Variants in ACSM3 observed in about 807,000 individuals in gnomAD.
The protein encoded by ACSM3 is acyl-coenzyme A synthetase ACSM3, mitochondrial.
In ACSM3, 61 loss-of-function variants were observed where a neutral mutation model predicts 74.1. The observed-to-expected ratio is 0.82, with a 90% confidence interval of 0.67 to 1.02. ACSM3 has a LOEUF of 1.02. Among genes scored for constraint, ACSM3 ranks in the 50% least tolerant of loss-of-function variants. The pLI is 0.00. For synonymous variants in ACSM3, 213 were observed against 241.5 expected (o/e 0.88, Z 1.09); for missense variants, 660 against 697.0 (o/e 0.95, Z 0.60).
chr16:20,797,173 T>C lies in ACSM3; in HGVS notation c.*201T>C. ...AATTCCTCCACATTAGTGTCAATGT[T>C]CCTATCATTTCTTAATATAAAAATA... On this transcript the variant is annotated 3_prime_UTR_variant, in exon 14 of 14. Transcript: ENST00000289416. The C allele has an allele frequency of 7.7e-7, 1 of 1,302,030 alleles. No homozygotes were observed. The highest frequency in any genetic ancestry group is 9.7e-7 in the Non-Finnish European group (1 of 1,026,586). 80.7% of individuals were successfully genotyped at this position (1,302,030 alleles called of 1,614,324 possible). A position where few individuals can be genotyped will look rare whatever the true frequency, so the allele number is the denominator to read the frequency against.
chr16:20,751,856 T>C (rs2079991303), intron 2 of ACSM3, among the ~76,000 whole-genome samples: 1 of 152,234 alleles, frequency 6.6e-6, no homozygotes, highest in Non-Finnish European at 1.5e-5. Flanking sequence ...GCCAAACTGA[T>C]TCTAGGTATA....
chr16:20,718,692 A>G (rs1264035579), intron 1 of ACSM3, among the ~76,000 whole-genome samples: 1 of 152,182 alleles, frequency 6.6e-6, no homozygotes, highest in African/African-American at 2.4e-5. Context: ...AGAACTTAAG[A>G]ATCGACCTTA....
At chr16:20,755,790 C>CT (rs1281213211) in intron 3 of ACSM3, among the ~76,000 whole-genome samples, 2 of 110,186 alleles carry the variant, frequency 1.8e-5, no homozygotes, top group Non-Finnish European at 3.8e-5. Context: ...CCCCCCCCCC[C>CT]ACCCCACAGC....
intron 1 of ACSM3, among the ~76,000 whole-genome samples, chr16:20,705,967 T>C (rs976348929): frequency 1.4e-4 from 21 of 152,178 alleles, no homozygotes; most frequent in African/African-American, 4.6e-4. Context: ...CCTTATAGCA[T>C]ATTGGAGATC....
chr16:20,706,682 G>T (rs948969141), intron 1 of ACSM3, among the ~76,000 whole-genome samples: 1 of 152,164 alleles, frequency 6.6e-6, no homozygotes, highest in African/African-American at 2.4e-5. Context: ...ACTTGATCCT[G>T]CTACCAAAAC....
intron 1 of ACSM3, among the ~76,000 whole-genome samples, chr16:20,748,150 AATAAATAAATAGATAG>A (rs1330134728): frequency 2.0e-5 from 3 of 152,018 alleles, no homozygotes; most frequent in Non-Finnish European, 4.4e-5. Context: ...AAAATAAATA[AATAAATAAATAGATAG>A]ATAAATAAAT....
chr16:20,696,840 G>T (rs1230314401), intron 1 of ACSM3, among the ~76,000 whole-genome samples: 1 of 152,146 alleles, frequency 6.6e-6, no homozygotes, highest in Non-Finnish European at 1.5e-5. Context: ...TGTGTTATAG[G>T]GTATCCCAGA....
intron 1 of ACSM3, among the ~76,000 whole-genome samples, chr16:20,714,579 A>T (rs1247323715): frequency 6.6e-6 from 1 of 152,176 alleles, no homozygotes; most frequent in Non-Finnish European, 1.5e-5. Flanking sequence ...GAAAGCAGCA[A>T]ACTAAAGAAC....
intron 1 of ACSM3, among the ~76,000 whole-genome samples, chr16:20,677,299 CT>C (rs1405060828): frequency 6.6e-6 from 1 of 151,638 alleles, no homozygotes. Context: ...AGCTTATCTT[CT>C]TGTATGCCCA....
chr16:20,766,706 C>G (rs1174183278), intron 1 of ACSM3: 1 of 151,714 alleles, frequency 6.6e-6, no homozygotes, highest in Non-Finnish European at 1.5e-5. Flanking sequence ...GTCTGGGTGA[C>G]AGAGTGAGAT....
rs2080582919 is a variant in ACSM3, at chr16:20,790,909, C to T, written c.1326+221C>T. 1.2e-6 allele frequency: 2 copies of T among 1,614,000 alleles called. No individual in the cohort carries two copies. Among genetic ancestry groups the T allele is most frequent in the African/African-American group, 2.7e-5 (2 of 75,030 alleles). On this transcript the variant is annotated intron_variant, in intron 10 of 13. Coordinates refer to ENST00000289416, the MANE Select transcript of ACSM3 (RefSeq NM_005622.4). This position sits in a 1 kb window ranked among gnomAD's most constrained non-coding sequence, Gnocchi z 4.0. Reference sequence around the variant, plus strand: ...CTGAGGCCAGATCACTGTTCCAGGTCCACGAAGGCAAGAGGAAGGGACCCT... The same window carrying T: ...CTGAGGCCAGATCACTGTTCCAGGTTCACGAAGGCAAGAGGAAGGGACCCT...
At chr16:20,690,013 G>C (rs2079624161) in intron 1 of ACSM3, among the ~76,000 whole-genome samples, 1 of 152,196 alleles carries the variant, frequency 6.6e-6, no homozygotes. Context: ...ATGATTAAAT[G>C]CAAGGTGATT....
intron 1 of ACSM3, chr16:20,721,162 A>C (rs952157123): frequency 6.6e-6 from 1 of 152,310 alleles, no homozygotes; most frequent in African/African-American, 2.4e-5. Context: ...GAGATTGCCG[A>C]TCACAAGGGA....
intron 1 of ACSM3, among the ~76,000 whole-genome samples, chr16:20,745,738 ATGGTG>A (rs1002386906): frequency 6.6e-5 from 10 of 152,186 alleles, no homozygotes. Context: ...CAAGGGGGGA[ATGGTG>A]TGACACATTC....
At chr16:20,762,494 A>G (rs1329636108), upstream of ACSM3, among the ~76,000 whole-genome samples, 1 of 152,220 alleles carries the variant, frequency 6.6e-6, no homozygotes, top group Non-Finnish European at 1.5e-5. Context: ...ACTCCAAGAA[A>G]TAATAGCTGA....
chr16:20,755,785 C>CA (rs1350263581), intron 3 of ACSM3, among the ~76,000 whole-genome samples: 7 of 86,242 alleles, frequency 8.1e-5, no homozygotes, highest in Admixed American at 2.5e-4. Flanking sequence ...TCCCTCCCCC[C>CA]CCCCCACCCC....
intron 1 of ACSM3, chr16:20,741,474 G>A (rs966596784): frequency 7.1e-7 from 1 of 1,416,314 alleles, no homozygotes; most frequent in Admixed American, 2.7e-5. Context: ...GCAAGGCCTG[G>A]CAGCCGGCCC....
chr16:20,735,262 C>G (rs185411929), intron 1 of ACSM3: 2 of 152,126 alleles, frequency 1.3e-5, no homozygotes, highest in Admixed American at 1.3e-4. Flanking sequence ...AGTACTCTGG[C>G]AATTCACCTT....
intron 1 of ACSM3, among the ~76,000 whole-genome samples, chr16:20,768,123 G>A (rs2080147684): frequency 6.6e-6 from 1 of 152,138 alleles, no homozygotes; most frequent in African/African-American, 2.4e-5. Flanking sequence ...AGAGTAATAT[G>A]CTTGGCACCA....
Sources: allele counts gnomAD v4.1 joint callset (sites outside exome capture counted in the v4.1 genomes callset), GRCh38; gene constraint gnomAD v4.1.1; non-coding constraint Gnocchi (gnomAD v3.1); transcripts MANE v1.5; gene names NCBI Gene and HGNC (gene_info 2026-07-23, HGNC 2026-07-21).